Variants in MOXD1 observed in about 807,000 individuals in gnomAD.
MOXD1 encodes DBH-like monooxygenase protein 1.
In MOXD1, 62 loss-of-function variants were observed where a neutral mutation model predicts 66.6. The observed-to-expected ratio is 0.93, with a 90% CI of 0.76 to 1.15. MOXD1 has a LOEUF of 1.15. MOXD1 is among the 50% of genes most tolerant of loss of function. The pLI, the probability that MOXD1 is intolerant of heterozygous loss-of-function variation, is 0.00. For synonymous variants in MOXD1, 303 were observed against 281.9 expected (o/e 1.07, Z -0.75); for missense variants, 847 against 754.6 (o/e 1.12, Z -1.44).
At chr6:132,318,022 T>C (rs141950731) in intron 9 of MOXD1, among the ~76,000 whole-genome samples, 3 of 152,264 alleles carry the variant, frequency 2.0e-5, no homozygotes, top group African/African-American at 4.8e-5. Flanking sequence ...CAAGTTAATA[T>C]AGGCAGCTTT....
intron 1 of MOXD1, among the ~76,000 whole-genome samples, chr6:132,387,955 G>C (rs1013392729): frequency 6.6e-6 from 1 of 151,196 alleles, no homozygotes; most frequent in Non-Finnish European, 1.5e-5. Flanking sequence ...ATGCAGTCTT[G>C]TATAATTTGT....
At chr6:132,306,992 GATCAAATT>G (rs1433770468) in intron 10 of MOXD1, among the ~76,000 whole-genome samples, 1 of 151,958 alleles carries the variant, frequency 6.6e-6, no homozygotes, top group Admixed American at 6.6e-5. Context: ...ATGATGACAG[GATCAAATT>G]ATCAAATTCA....
chr6:132,363,637 T>A (rs148912433), intron 4 of MOXD1, among the ~76,000 whole-genome samples: 13 of 152,294 alleles, frequency 8.5e-5, no homozygotes, highest in African/African-American at 3.1e-4. Context: ...ATTTGTGTAA[T>A]GTTGAGCAAG....
At chr6:132,317,609 G>C (rs1324208846) in intron 9 of MOXD1, among the ~76,000 whole-genome samples, 1 of 152,092 alleles carries the variant, frequency 6.6e-6, no homozygotes, top group Non-Finnish European at 1.5e-5. Flanking sequence ...CAGTGGCTGA[G>C]GTTTGGTTGT....
chr6:132,360,655 C>T (rs757032998), intron 4 of MOXD1, among the ~76,000 whole-genome samples: 4 of 152,210 alleles, frequency 2.6e-5, no homozygotes, highest in Non-Finnish European at 4.4e-5. Context: ...AATGTTCATT[C>T]GGCAGCTTTG....
chr6:132,386,447 A>AAAAAAAAAAC (rs1562300138), intron 1 of MOXD1, among the ~76,000 whole-genome samples: 3 of 130,326 alleles, frequency 2.3e-5, no homozygotes, highest in East Asian at 2.4e-4. Context: ...AAAAAAAAAC[A>AAAAAAAAAAC]AAAAAAAAAC....
chr6:132,347,790 C>T (rs1201055022), intron 4 of MOXD1, among the ~76,000 whole-genome samples: 3 of 152,012 alleles, frequency 2.0e-5, no homozygotes, highest in Non-Finnish European at 2.9e-5. Context: ...TGTGGTGAAC[C>T]ATTGCTACAA....
At chr6:132,312,598 C>CTTTTTTT (rs10710763) in intron 10 of MOXD1, among the ~76,000 whole-genome samples, 1 of 146,552 alleles carries the variant, frequency 6.8e-6, no homozygotes, top group Non-Finnish European at 1.5e-5. Context: ...GGGTTTTGTC[C>CTTTTTTT]TTTTTTTTTT....
At chr6:132,362,096 T>G (rs1012537200) in intron 4 of MOXD1, among the ~76,000 whole-genome samples, 1 of 152,126 alleles carries the variant, frequency 6.6e-6, no homozygotes, top group African/African-American at 2.4e-5. Context: ...GCAACAGATA[T>G]CTTCCTGTTT....
chr6:132,299,191 G>A (rs575879585), intron 10 of MOXD1, among the ~76,000 whole-genome samples: 118 of 152,192 alleles, frequency 7.8e-4, no homozygotes, highest in Admixed American at 2.7e-3. Context: ...ACCAAAAACC[G>A]CGTGTTCTCA....
chr6:132,366,996 G>T (rs1776162424), intron 4 of MOXD1, among the ~76,000 whole-genome samples: 2 of 152,028 alleles, frequency 1.3e-5, no homozygotes, highest in African/African-American at 4.8e-5. Flanking sequence ...ACCAATAGAA[G>T]AGAACAGAAG....
At chr6:132,335,201 G>GAAA (rs60909726) in intron 4 of MOXD1, among the ~76,000 whole-genome samples, 8 of 144,922 alleles carry the variant, frequency 5.5e-5, no homozygotes, top group East Asian at 2.0e-4. Context: ...CCGAGTATTG[G>GAAA]AAAAAAAAAA....
intron 4 of MOXD1, among the ~76,000 whole-genome samples, chr6:132,348,030 C>T (rs1050147120): frequency 5.3e-5 from 8 of 152,070 alleles, no homozygotes; most frequent in Middle Eastern, 3.2e-3. Context: ...CCTTCATGTC[C>T]GTGGGTGAAT....
At chr6:132,337,623 T>A (rs1775467558) in intron 4 of MOXD1, among the ~76,000 whole-genome samples, 3 of 152,256 alleles carry the variant, frequency 2.0e-5, no homozygotes, top group African/African-American at 2.4e-5. Context: ...CATTTATTTT[T>A]AAATATGAAT....
intron 10 of MOXD1, among the ~76,000 whole-genome samples, chr6:132,304,799 A>T (rs1397574967): frequency 6.6e-6 from 1 of 152,238 alleles, no homozygotes; most frequent in Non-Finnish European, 1.5e-5. Context: ...ACAAGAAAAT[A>T]TCACTAGATA....
intron 6 of MOXD1, among the ~76,000 whole-genome samples, chr6:132,327,523 T>A (rs958590889): frequency 6.6e-6 from 1 of 152,214 alleles, no homozygotes. Context: ...AAAATGTACA[T>A]CCTTACATTT....
chr6:132,380,860 C>T (rs1776493918), intron 1 of MOXD1, among the ~76,000 whole-genome samples: 1 of 152,122 alleles, frequency 6.6e-6, no homozygotes, highest in Non-Finnish European at 1.5e-5. Context: ...ATCTGTCATA[C>T]AGACACATCT....
At chr6:132,320,536 T>C (rs599660) in intron 9 of MOXD1, 93 bp downstream of exon 9, 442,548 of 1,079,844 alleles carry the variant, frequency 0.41, 101,190 homozygotes, top group African/African-American at 0.85. Flanking sequence ...CTTTTCTTTC[T>C]AAATGGAAAT....
At chr6:132,297,364 C>G (rs1774426391) in intron 11 of MOXD1, 47 bp from the exon 12 acceptor site, 1 of 1,589,812 alleles carries the variant, frequency 6.3e-7, no homozygotes, top group Admixed American at 1.7e-5. Context: ...TGATTTAAGG[C>G]AGCACAGTGA....
Sources: allele counts gnomAD v4.1 joint callset (sites outside exome capture counted in the v4.1 genomes callset), GRCh38; gene constraint gnomAD v4.1.1; transcripts MANE v1.5; gene names NCBI Gene and HGNC (gene_info 2026-07-23, HGNC 2026-07-21).